The following NRG2 variants were observed in gnomAD, a reference collection of about 807,000 sequenced individuals.
NRG2 encodes pro-neuregulin-2, membrane-bound isoform.
NRG2 carries 27 observed loss-of-function variants against 73.9 expected under a neutral mutation model. The ratio of observed to expected loss-of-function variants is 0.37; its 90% CI spans 0.27 to 0.50. The LOEUF (loss-of-function observed/expected upper bound fraction) is 0.50, where lower values mean the gene tolerates loss of function less well. NRG2 is among the 20% of genes least tolerant of loss of function. The probability of loss-of-function intolerance (pLI) is 0.96; values close to 1 mark genes in which losing one functional copy is unlikely to be tolerated. For missense variants in NRG2, 1,126 were observed against 1,210.1 expected, an observed-to-expected ratio of 0.93 and a Z score of 1.03; for synonymous variants, 532 against 541.0, an observed-to-expected ratio of 0.98 and a Z score of 0.23.
chr5:140,011,468 G>A (rs182647377), intron 1 of NRG2, among the ~76,000 whole-genome samples: 104 of 152,220 alleles, frequency 6.8e-4, no homozygotes, highest in African/African-American at 2.5e-3. Flanking sequence ...AGTGATGGGA[G>A]GTCAGTTCTG....
chr5:139,913,787 G>A (rs1422493265), intron 1 of NRG2, among the ~76,000 whole-genome samples: 1 of 152,214 alleles, frequency 6.6e-6, no homozygotes, highest in Non-Finnish European at 1.5e-5. Context: ...TAAGACAGCA[G>A]CAGCAACTTA....
At chr5:139,859,877 G>C (rs1762039408) in intron 5 of NRG2, 3 of 1,612,262 alleles carry the variant, frequency 1.9e-6, no homozygotes, top group African/African-American at 1.3e-5. Flanking sequence ...GTGACACACA[G>C]AGGTTTCATA....
chr5:140,010,233 G>T (rs1165247130), intron 1 of NRG2, among the ~76,000 whole-genome samples: 1 of 152,164 alleles, frequency 6.6e-6, no homozygotes, highest in Non-Finnish European at 1.5e-5. Context: ...AGGAGGTGGA[G>T]GTTGCAGTGA....
chr5:140,015,552 A>C (rs1010791471), intron 1 of NRG2, among the ~76,000 whole-genome samples: 1 of 152,184 alleles, frequency 6.6e-6, no homozygotes, highest in Non-Finnish European at 1.5e-5. Context: ...AAAACCTGAA[A>C]ATGAATGAGG....
At chr5:139,932,383 A>G (rs1372962694) in intron 1 of NRG2, among the ~76,000 whole-genome samples, 1 of 152,002 alleles carries the variant, frequency 6.6e-6, no homozygotes, top group Non-Finnish European at 1.5e-5. Context: ...AGAAAGAAAA[A>G]TATTGCATGA....
intron 1 of NRG2, among the ~76,000 whole-genome samples, chr5:139,960,076 A>G (rs1754942483): frequency 1.3e-5 from 2 of 152,232 alleles, no homozygotes; most frequent in African/African-American, 4.8e-5. Flanking sequence ...CTGGGAATTC[A>G]TTCCACACAT....
chr5:140,030,332 T>G (rs1454092259), intron 1 of NRG2, among the ~76,000 whole-genome samples: 1 of 152,236 alleles, frequency 6.6e-6, no homozygotes, highest in East Asian at 1.9e-4. Flanking sequence ...GCACTAGTTT[T>G]AGGTGATCCC....
At chr5:139,921,891 A>G (rs1751693726) in intron 1 of NRG2, among the ~76,000 whole-genome samples, 1 of 151,900 alleles carries the variant, frequency 6.6e-6, no homozygotes, top group East Asian at 1.9e-4. Flanking sequence ...GCGAAACACC[A>G]AAACACTCTA....
At chr5:140,033,270 T>C (rs1761280671) in intron 1 of NRG2, among the ~76,000 whole-genome samples, 1 of 152,180 alleles carries the variant, frequency 6.6e-6, no homozygotes, top group African/African-American at 2.4e-5. Flanking sequence ...AAGGAAGCTT[T>C]CAGCCATTTT....
intron 1 of NRG2, among the ~76,000 whole-genome samples, chr5:139,893,267 T>C (rs1366650037): frequency 2.0e-5 from 3 of 152,208 alleles, no homozygotes; most frequent in African/African-American, 7.2e-5. Flanking sequence ...GCATATTAGG[T>C]TGTCTCCAAC....
At position 139,869,274 on chromosome 5, in the gene NRG2, A is replaced by T. The variant is rs1430608694; in HGVS notation, c.1112+2447T>A. Reference sequence around the variant, plus strand: ...AAGTGTAAGAAAACCAGGAAGGAAAACTGATTTTTATAGAAACTGGAATGA... The same window carrying T: ...AAGTGTAAGAAAACCAGGAAGGAAATCTGATTTTTATAGAAACTGGAATGA... On this transcript the variant is annotated intron_variant, in intron 4 of 9. Coordinates refer to ENST00000361474, the MANE Select transcript of NRG2 (RefSeq NM_004883.3). This position sits in a 1 kb window ranked among gnomAD's most constrained non-coding sequence, Gnocchi z 4.5. 2 of 152,148 alleles carry T rather than the reference A, an allele frequency of 1.3e-5. No homozygotes were observed. The highest frequency in any genetic ancestry group is 3.9e-4 in the East Asian group (2 of 5,186). The allele number at this position is 152,148 out of a possible 1,614,324, so 9.4% of individuals were successfully genotyped here. A position where few individuals can be genotyped will look rare whatever the true frequency, so the allele number is the denominator to read the frequency against.
At chr5:139,939,052 G>A (rs1458047928) in intron 1 of NRG2, among the ~76,000 whole-genome samples, 2 of 149,780 alleles carry the variant, frequency 1.3e-5, no homozygotes, top group Non-Finnish European at 3.0e-5. Context: ...GGAAGGGAAA[G>A]GAAGGAAGGA....
chr5:139,960,792 G>A (rs1241879552), intron 1 of NRG2, among the ~76,000 whole-genome samples: 1 of 152,160 alleles, frequency 6.6e-6, no homozygotes, highest in Non-Finnish European at 1.5e-5. Flanking sequence ...TACTTCCTAT[G>A]TTGGACAGAA....
chr5:139,980,509 C>CCAT (rs1756717882), intron 1 of NRG2, among the ~76,000 whole-genome samples: 1 of 152,134 alleles, frequency 6.6e-6, no homozygotes, highest in Non-Finnish European at 1.5e-5. Flanking sequence ...TCAGCGTGTA[C>CCAT]CCTCCAAGAC....
intron 1 of NRG2, chr5:140,019,376 C>G (rs960927701): frequency 6.6e-6 from 1 of 152,298 alleles, no homozygotes; most frequent in Non-Finnish European, 1.5e-5. Flanking sequence ...GTTCAATCAT[C>G]TCTTGAGCCT....
At chr5:139,912,904 C>T (rs1034002774) in intron 1 of NRG2, among the ~76,000 whole-genome samples, 2 of 152,176 alleles carry the variant, frequency 1.3e-5, no homozygotes, top group Admixed American at 6.5e-5. Flanking sequence ...AGCAGTAAAT[C>T]TTCAAAGAGG....
At chr5:140,004,146 A>G (rs1344551062) in intron 1 of NRG2, among the ~76,000 whole-genome samples, 1 of 152,262 alleles carries the variant, frequency 6.6e-6, no homozygotes, top group Admixed American at 6.5e-5. Context: ...TAATACACAC[A>G]AGTATGAAAT....
chr5:139,895,440 A>T (rs1764487836), intron 1 of NRG2, among the ~76,000 whole-genome samples: 1 of 152,196 alleles, frequency 6.6e-6, no homozygotes, highest in Non-Finnish European at 1.5e-5. Context: ...GCATAGGGAT[A>T]CCCAGTACAG....
chr5:139,875,917 G>A (rs1025461242), intron 3 of NRG2, among the ~76,000 whole-genome samples: 2 of 152,242 alleles, frequency 1.3e-5, no homozygotes, highest in Admixed American at 6.5e-5. Context: ...AGCTGCTTTG[G>A]AAAGCAGTCT....
Sources: allele counts gnomAD v4.1 joint callset (sites outside exome capture counted in the v4.1 genomes callset), GRCh38; gene constraint gnomAD v4.1.1; non-coding constraint Gnocchi (gnomAD v3.1); transcripts MANE v1.5; gene names NCBI Gene and HGNC (gene_info 2026-07-23, HGNC 2026-07-21).